Variants in MEGF10 observed in about 807,000 individuals in gnomAD.
The protein encoded by MEGF10 is multiple EGF like domains 10, also known as multiple epidermal growth factor-like domains protein 10.
MEGF10 carries 86 observed loss-of-function variants against 147.5 expected under a neutral mutation model. The ratio of observed to expected loss-of-function variants is 0.58; its 90% confidence interval spans 0.49 to 0.70. The LOEUF is 0.70. Among genes scored for constraint, MEGF10 ranks in the 30% least tolerant of loss-of-function variants. The probability of loss-of-function intolerance (pLI) is 0.00; values close to 1 mark genes in which losing one functional copy is unlikely to be tolerated. For missense variants in MEGF10, 1,329 were observed against 1,487.3 expected (o/e 0.89, Z 1.75); for synonymous variants, 478 against 525.5 (o/e 0.91, Z 1.24).
the MEGF10 span, among the ~76,000 whole-genome samples, chr5:127,255,250 A>T: frequency 6.6e-6 from 1 of 152,154 alleles, no homozygotes; most frequent in Non-Finnish European, 1.5e-5. Flanking sequence ...TAGTGATGTT[A>T]TCTATAGGGG....
intron 13 of MEGF10, among the ~76,000 whole-genome samples, chr5:127,427,219 G>A: frequency 6.6e-6 from 1 of 152,170 alleles, no homozygotes; most frequent in East Asian, 1.9e-4. Flanking sequence ...GGTCTGCATA[G>A]TGGCATCTGC....
chr5:127,456,731 C>G (rs1486146166), intron 24 of MEGF10, among the ~76,000 whole-genome samples: 1 of 152,176 alleles, frequency 6.6e-6, no homozygotes, highest in Non-Finnish European at 1.5e-5. Context: ...GTCTTGAGTC[C>G]TAAAGTTCTG....
At chr5:127,381,034 C>T (rs1385017165) in intron 5 of MEGF10, among the ~76,000 whole-genome samples, 1 of 152,090 alleles carries the variant, frequency 6.6e-6, no homozygotes, top group Non-Finnish European at 1.5e-5. Flanking sequence ...GAAATGGTGG[C>T]CCCATGACTA....
intron 4 of MEGF10, among the ~76,000 whole-genome samples, chr5:127,349,357 CAT>C (rs1762008927): frequency 6.6e-6 from 1 of 152,090 alleles, no homozygotes; most frequent in Admixed American, 6.6e-5. Flanking sequence ...GGTAAAAACA[CAT>C]GACATTAAAT....
chr5:127,310,931 T>C (rs1032545936), intron 1 of MEGF10, among the ~76,000 whole-genome samples: 19 of 152,190 alleles, frequency 1.2e-4, no homozygotes, highest in African/African-American at 4.6e-4. Flanking sequence ...CCTTTTGTCC[T>C]CAGGCTGGAA....
chr5:127,250,812 C>T, the MEGF10 span, among the ~76,000 whole-genome samples: 28 of 151,556 alleles, frequency 1.8e-4, no homozygotes, highest in East Asian at 3.9e-3. Context: ...AAATTCAGTA[C>T]GACAGATACA....
chr5:127,401,123 T>C (rs1214031777), intron 7 of MEGF10, among the ~76,000 whole-genome samples: 1 of 151,856 alleles, frequency 6.6e-6, no homozygotes, highest in Non-Finnish European at 1.5e-5. Context: ...CCTGGGAGAG[T>C]GAGAATTTTC....
At chr5:127,300,747 A>AT (rs1224930441) in intron 1 of MEGF10, among the ~76,000 whole-genome samples, 2 of 152,330 alleles carry the variant, frequency 1.3e-5, no homozygotes, top group East Asian at 3.9e-4. Context: ...TAGAGCTTTA[A>AT]ATACCCATCA....
chr5:127,255,958 T>A, the MEGF10 span, among the ~76,000 whole-genome samples: 1 of 152,092 alleles, frequency 6.6e-6, no homozygotes. Context: ...AGAACTGACC[T>A]AGGGAGGAAA....
At chr5:127,388,766 C>T (rs1473425615) in intron 5 of MEGF10, among the ~76,000 whole-genome samples, 3 of 150,936 alleles carry the variant, frequency 2.0e-5, no homozygotes, top group Non-Finnish European at 3.0e-5. Flanking sequence ...AGGATGGTCT[C>T]GATCTCCTGA....
Position 127,458,104 on chromosome 5 carries a change from C to T in MEGF10, c.*786C>T, listed in dbSNP as rs1766431160. The T allele has an allele frequency of 1.3e-5, 2 of 152,110 alleles. No homozygotes were observed. The highest frequency in any genetic ancestry group is 6.5e-5 in the Admixed American group (1 of 15,276). The allele number at this position is 152,110 out of a possible 1,614,324, so 9.4% of individuals were successfully genotyped here. On this transcript the variant is annotated 3_prime_UTR_variant, in exon 25 of 25. Transcript: ENST00000503335. ...CACTGGCTCCATCATACATATTCAC[C>T]ACTTGAGATTCATAACATATCAATA...
chr5:127,432,637 A>T (rs1467839933), intron 13 of MEGF10, among the ~76,000 whole-genome samples: 3 of 152,138 alleles, frequency 2.0e-5, no homozygotes, highest in Non-Finnish European at 2.9e-5. Context: ...TTTTAGTTTT[A>T]TTTTTGCAAA....
At chr5:127,353,740 C>T (rs1762176846) in intron 4 of MEGF10, among the ~76,000 whole-genome samples, 1 of 126,454 alleles carries the variant, frequency 7.9e-6, no homozygotes, top group Non-Finnish European at 1.9e-5. Flanking sequence ...AGACTTAAGT[C>T]TGCTAACTCT....
the MEGF10 span, among the ~76,000 whole-genome samples, chr5:127,273,376 G>C: frequency 6.6e-6 from 1 of 152,204 alleles, no homozygotes; most frequent in Admixed American, 6.5e-5. Flanking sequence ...CATGGGTCGA[G>C]TTGTTTCCCC....
the MEGF10 span, chr5:127,229,822 A>G: frequency 6.6e-6 from 1 of 151,812 alleles, no homozygotes; most frequent in Non-Finnish European, 1.5e-5. Context: ...CGAGCAGCGC[A>G]CCCCCCTCTG....
At chr5:127,326,096 A>G (rs1468545557) in intron 1 of MEGF10, among the ~76,000 whole-genome samples, 4 of 150,606 alleles carry the variant, frequency 2.7e-5, no homozygotes, top group African/African-American at 9.8e-5. Flanking sequence ...TTTTTTTTAA[A>G]TAAGGATGTG....
chr5:127,426,830 A>G (rs1765223216), intron 13 of MEGF10, among the ~76,000 whole-genome samples: 1 of 152,206 alleles, frequency 6.6e-6, no homozygotes. Flanking sequence ...ACAGCTAATC[A>G]AGATTTCATT....
chr5:127,272,074 G>A, the MEGF10 span, among the ~76,000 whole-genome samples: 1 of 152,090 alleles, frequency 6.6e-6, no homozygotes, highest in Non-Finnish European at 1.5e-5. Context: ...TGACATTAAA[G>A]TCTCAAGATG....
the MEGF10 span, among the ~76,000 whole-genome samples, chr5:127,285,749 C>A: frequency 6.6e-6 from 1 of 152,014 alleles, no homozygotes; most frequent in East Asian, 1.9e-4. Flanking sequence ...ATGAACTATT[C>A]TTGCTGGCTG....
Sources: gnomAD v4.1 joint callset for allele counts (sites outside exome capture counted in the v4.1 genomes callset) on GRCh38, gnomAD v4.1.1 for gene constraint, MANE v1.5 for transcripts, NCBI Gene and HGNC (gene_info 2026-07-23, HGNC 2026-07-21) for gene names.